ZYG11B: variants seen among roughly 807,000 people sequenced by gnomAD.
ZYG11B encodes the protein protein zyg-11 homolog B.
ZYG11B carries 36 observed loss-of-function variants against 82.4 expected under a neutral mutation model. The ratio of observed to expected loss-of-function variants is 0.44; its 90% CI spans 0.33 to 0.58. The LOEUF (loss-of-function observed/expected upper bound fraction) is 0.58, where lower values mean the gene tolerates loss of function less well. Ranked by LOEUF, ZYG11B falls within the 20% of genes least tolerant of loss-of-function variation. ZYG11B has a pLI of 0.02. For synonymous variants in ZYG11B, 303 were observed against 312.8 expected (o/e 0.97, Z 0.33); for missense variants, 552 against 895.6 (o/e 0.62, Z 4.90).
chr1:52,733,899 G>T (rs1019197966), intron 1 of ZYG11B, among the ~76,000 whole-genome samples: 9 of 152,122 alleles, frequency 5.9e-5, no homozygotes, highest in African/African-American at 2.2e-4. Context: ...TAGATAAATT[G>T]TTGGATACTC....
intron 10 of ZYG11B, chr1:52,805,330 G>A: frequency 5.9e-6 from 2 of 340,100 alleles, no homozygotes; most frequent in South Asian, 4.7e-5. Context: ...TGGATTTTTA[G>A]GAAAGCTGAG....
In ZYG11B at chr1:52,803,151, TATACACATATATATATAC is replaced by T. The variant is rs1558140245; in HGVS notation, c.1695+1014_1695+1031del. Among the ~76,000 whole-genome samples, 28 of 56,488 alleles carry T rather than the reference TATACACATATATATATAC, an allele frequency of 5.0e-4. 1 individual carries two copies. The highest frequency in any genetic ancestry group is 4.1e-3 in the East Asian group (3 of 730). 37.1% of individuals were successfully genotyped at this position (56,488 alleles called of 152,430 possible). On this transcript the variant is annotated intron_variant, in intron 10 of 13. Coordinates refer to ENST00000294353, the MANE Select transcript of ZYG11B (RefSeq NM_024646.3). ...ATATATATACACACATATATATATA[TATACACATATATATATAC>T]ACACATATATATATATATACACATA...
At chr1:52,804,890 G>A (rs929268419) in intron 10 of ZYG11B, among the ~76,000 whole-genome samples, 6 of 151,796 alleles carry the variant, frequency 4.0e-5, no homozygotes, top group Admixed American at 3.3e-4. Flanking sequence ...TCGGGAGTTC[G>A]AGACCAGCCT....
chr1:52,790,281 T>C (rs1036643332), intron 6 of ZYG11B, among the ~76,000 whole-genome samples: 7 of 152,216 alleles, frequency 4.6e-5, no homozygotes, highest in African/African-American at 1.7e-4. Flanking sequence ...AGTCCTTTGC[T>C]TAGGAATTTA....
Position 52,771,081 on chromosome 1 carries a change from C to G in ZYG11B, c.258C>G (p.Ala86=). ...FRGNQMRLKR[A]CIRKAKISAV... is the part of the protein sequence containing the mutation. ...GCAACCAGATGCGCTTAAAGCGAGC[C>G]TGCATTCGCAAAGCAAAGATCTCTG... The change falls in exon 3 of 14, where the codon GCC becomes GCG. Residue 86 remains alanine (A), a synonymous_variant. Transcript: ENST00000294353. The surrounding 1 kb of genome is among the most constrained non-coding windows in gnomAD (Gnocchi z 5.4). The G allele has an allele frequency of 6.2e-7, 1 of 1,614,208 alleles. No individual in the cohort carries two copies. Among genetic ancestry groups the G allele is most frequent in the Non-Finnish European group, 8.5e-7 (1 of 1,180,042 alleles).
At chr1:52,793,020 A>G (rs551020844) in intron 6 of ZYG11B, among the ~76,000 whole-genome samples, 29 of 152,058 alleles carry the variant, frequency 1.9e-4, no homozygotes, top group African/African-American at 6.5e-4. Context: ...TTGTATTTTT[A>G]GTAGAGGCGG....
rs1644754924 is a variant in ZYG11B at position 52,771,890 on chromosome 1, T to A, written c.951+116T>A. The stretch of plus-strand genomic sequence containing the variant: ...AACATGTTCATGAAACAGGGCTGCA[T>A]ATAGTTGAAAGGCTTAGAGTCCTAA... On this transcript the variant is annotated intron_variant, in intron 3 of 13. Transcript: ENST00000294353. This position sits in a 1 kb window ranked among gnomAD's most constrained non-coding sequence, Gnocchi z 5.4. 1 of 1,289,760 alleles carries A rather than the reference T, an allele frequency of 7.8e-7. No individual in the cohort carries two copies. The highest frequency in any genetic ancestry group is 1.1e-6 in the Non-Finnish European group (1 of 939,570). 79.9% of individuals were successfully genotyped at this position (1,289,760 alleles called of 1,614,324 possible). A position where few individuals can be genotyped will look rare whatever the true frequency, so the allele number is the denominator to read the frequency against.
rs75524857 is a variant in ZYG11B at position 52,758,807 on chromosome 1, G to A, written c.196+2184G>A. Among the ~76,000 whole-genome samples the A allele has an allele frequency of 6.6e-5, 10 of 152,088 alleles. No individual in the cohort carries two copies. In the East Asian group the frequency reaches 1.9e-3, roughly 29 times the overall value. On this transcript the variant is annotated intron_variant, in intron 2 of 13. Coordinates refer to ENST00000294353, the MANE Select transcript of ZYG11B (RefSeq NM_024646.3). Reference sequence around the variant, plus strand: ...TTTTCCAACCTGTCATAGGAACTAGGGTAAATTTCTGTATTATATATGTTA... The same window carrying A: ...TTTTCCAACCTGTCATAGGAACTAGAGTAAATTTCTGTATTATATATGTTA...
Position 52,755,863 on chromosome 1 carries a change from A to G in ZYG11B, c.31-595A>G, listed in dbSNP as rs1453627279. ...CACCCAGGCTGGAGTTCAGTGGCAT[A>G]ATCTCGGCTCACTACAACTTCCGCC... On this transcript the variant is annotated intron_variant, in intron 1 of 13. Transcript: ENST00000294353. Among the ~76,000 whole-genome samples the G allele has an allele frequency of 3.9e-5, 6 of 152,200 alleles. No individual in the cohort carries two copies. In the South Asian group the frequency reaches 1.0e-3, roughly 26 times the overall value.
At chr1:52,733,428 CTT>C (rs1285391417) in intron 1 of ZYG11B, among the ~76,000 whole-genome samples, 1 of 152,130 alleles carries the variant, frequency 6.6e-6, no homozygotes, top group Non-Finnish European at 1.5e-5. Context: ...AATCCCAACA[CTT>C]TGGGAGACAA....
In ZYG11B at chr1:52,764,753, G is replaced by T. The variant is rs190792458; in HGVS notation, c.197-6267G>T. Among the ~76,000 whole-genome samples, 55 of 152,228 alleles carry T rather than the reference G, an allele frequency of 3.6e-4. 1 individual carries two copies. The East Asian group carries it at 9.3e-3, about 26-fold the overall frequency. On this transcript the variant is annotated intron_variant, in intron 2 of 13. Transcript: ENST00000294353. The stretch of plus-strand genomic sequence containing the variant: ...AAAAAGAACACTGTTCTCTTAAGAA[G>T]AATAATAAAGGAAGGGAGATGTTTT...
intron 10 of ZYG11B, among the ~76,000 whole-genome samples, chr1:52,808,346 A>G (rs1436171548): frequency 6.6e-6 from 1 of 152,170 alleles, no homozygotes; most frequent in East Asian, 1.9e-4. Context: ...CCTGGGCAAC[A>G]AGAGCGAAAC....
intron 2 of ZYG11B, among the ~76,000 whole-genome samples, chr1:52,762,545 A>G (rs1159219618): frequency 1.3e-5 from 2 of 151,284 alleles, no homozygotes; most frequent in Non-Finnish European, 2.9e-5. Flanking sequence ...ATCTTCTCAG[A>G]TGAATGTCCT....
At position 52,782,592 on chromosome 1, in the gene ZYG11B, T is replaced by G. The variant is rs954581833; in HGVS notation, c.1093-2285T>G. Among the ~76,000 whole-genome samples the G allele has an allele frequency of 3.3e-5, 5 of 152,082 alleles. No homozygotes were observed. In the South Asian group the frequency reaches 1.0e-3, roughly 32 times the overall value. ...TTTAAAAATAAATTTATTTATTTAT[T>G]TTTGAGACAGTGCCTCACTCTGTCA... On this transcript the variant is annotated intron_variant, in intron 4 of 13. Transcript: ENST00000294353.
rs115767209 is a variant in ZYG11B, at chr1:52,729,444, A to G, written c.30+2761A>G. Among the ~76,000 whole-genome samples the G allele has an allele frequency of 6.7e-3, 1,015 of 152,258 alleles. 17 individuals are homozygous for G. The highest frequency in any genetic ancestry group is 0.023 in the African/African-American group (975 of 41,560). On this transcript the variant is annotated intron_variant, in intron 1 of 13. Transcript: ENST00000294353. The stretch of plus-strand genomic sequence containing the variant: ...CAGAGTAACAGTGTATGTATGGGAG[A>G]GGTGAGGAGAAGGCAGAATATTAGC...
chr1:52,730,201 TTAATC>T (rs1644318253), intron 1 of ZYG11B, among the ~76,000 whole-genome samples: 2 of 152,218 alleles, frequency 1.3e-5, no homozygotes, highest in African/African-American at 2.4e-5. Flanking sequence ...TTACTTTTAA[TTAATC>T]TAATAATGTT....
intron 1 of ZYG11B, among the ~76,000 whole-genome samples, chr1:52,744,932 T>G (rs1644464264): frequency 6.6e-6 from 1 of 152,252 alleles, no homozygotes; most frequent in Admixed American, 6.5e-5. Context: ...TTCTACTTTG[T>G]AAGGTTATTG....
At chr1:52,773,572 A>C (rs1203893025) in intron 3 of ZYG11B, among the ~76,000 whole-genome samples, 1 of 121,592 alleles carries the variant, frequency 8.2e-6, no homozygotes, top group East Asian at 2.6e-4. Flanking sequence ...TTTTATATTT[A>C]TACCTTTTAT....
chr1:52,820,962 G>T (rs896168340), intron 13 of ZYG11B, among the ~76,000 whole-genome samples: 3 of 151,644 alleles, frequency 2.0e-5, no homozygotes, highest in African/African-American at 7.3e-5. Flanking sequence ...TTAGCCAGGG[G>T]TGGTGGCATG....
Sources: allele counts gnomAD v4.1 joint callset (sites outside exome capture counted in the v4.1 genomes callset), GRCh38; gene constraint gnomAD v4.1.1; non-coding constraint Gnocchi (gnomAD v3.1); transcripts MANE v1.5; gene names NCBI Gene and HGNC (gene_info 2026-07-23, HGNC 2026-07-21).